Variants in ZFHX3 observed in about 807,000 individuals in gnomAD.
ZFHX3 encodes zinc finger homeobox protein 3.
A neutral mutation model predicts 279.1 loss-of-function variants in ZFHX3; 42 were observed. The ratio of observed to expected loss-of-function variants is 0.15; its 90% CI spans 0.12 to 0.19. The LOEUF is 0.19. ZFHX3 is among the 10% of genes least tolerant of loss of function. The pLI, the probability that ZFHX3 is intolerant of heterozygous loss-of-function variation, is 1.00. For synonymous variants in ZFHX3, 2,293 were observed against 1,957.8 expected, an observed-to-expected ratio of 1.17 and a Z score of -4.52; for missense variants, 4,981 against 4,754.0, an observed-to-expected ratio of 1.05 and a Z score of -1.40.
At chr16:73,269,729 T>C (rs945211549) in intron 4 of ZFHX3, among the ~76,000 whole-genome samples, 6 of 151,992 alleles carry the variant, frequency 3.9e-5, no homozygotes, top group Admixed American at 2.6e-4. Flanking sequence ...AAACTTCCCA[T>C]ATATTTTTCT....
At chr16:72,954,979 T>C (rs769386561) in intron 2 of ZFHX3, among the ~76,000 whole-genome samples, 1 of 152,112 alleles carries the variant, frequency 6.6e-6, no homozygotes, top group Non-Finnish European at 1.5e-5. Context: ...AAATGGACCA[T>C]GGGGAAAAAA....
At chr16:73,623,185 C>T (rs968900126) in intron 2 of ZFHX3, among the ~76,000 whole-genome samples, 1 of 151,974 alleles carries the variant, frequency 6.6e-6, no homozygotes, top group African/African-American at 2.4e-5. Context: ...TACAGGCGCC[C>T]GCCACCGCAC....
chr16:72,966,660 A>ACACCATT (rs1359670406), intron 1 of ZFHX3, among the ~76,000 whole-genome samples: 1 of 152,278 alleles, frequency 6.6e-6, no homozygotes, highest in South Asian at 2.1e-4. Flanking sequence ...CTGAACACAC[A>ACACCATT]CACCATTCAC....
At chr16:72,965,987 C>A (rs1961818369) in intron 1 of ZFHX3, among the ~76,000 whole-genome samples, 1 of 152,176 alleles carries the variant, frequency 6.6e-6, no homozygotes, top group South Asian at 2.1e-4. Context: ...TAAGGTAGCA[C>A]AAAATTTATC....
At chr16:73,311,361 G>A (rs562423883) in intron 4 of ZFHX3, among the ~76,000 whole-genome samples, 18 of 152,170 alleles carry the variant, frequency 1.2e-4, no homozygotes, top group South Asian at 6.2e-4. Flanking sequence ...TTGGGAGGCC[G>A]AGGCAGGCAG....
At chr16:73,028,836 G>A (rs578105226) in intron 1 of ZFHX3, among the ~76,000 whole-genome samples, 17 of 152,218 alleles carry the variant, frequency 1.1e-4, no homozygotes, top group Non-Finnish European at 2.2e-4. Flanking sequence ...CTACAATAAA[G>A]TTCCTCTGTT....
rs1784023876 is a variant in ZFHX3 at position 73,332,795 on chromosome 16, G to A, written c.-1290-14459C>T. Reference sequence around the variant, plus strand: ...AGAGCCCTCAAGGTAGTCAATGAACGTACTCCATGCAACAAGAGTGGTGGC... The same window carrying A: ...AGAGCCCTCAAGGTAGTCAATGAACATACTCCATGCAACAAGAGTGGTGGC... On this transcript the variant is annotated intron_variant, in intron 3 of 17. Coordinates refer to the ZFHX3 transcript ENST00000641206. Among the ~76,000 whole-genome samples the A allele has an allele frequency of 2.6e-5, 4 of 152,274 alleles. No homozygotes were observed. In the South Asian group the frequency reaches 6.2e-4, roughly 24 times the overall value.
At chr16:73,718,271 C>G (rs1339558401) in intron 1 of ZFHX3, among the ~76,000 whole-genome samples, 2 of 152,036 alleles carry the variant, frequency 1.3e-5, no homozygotes, top group Admixed American at 6.5e-5. Flanking sequence ...ATTAGCCGGG[C>G]GTGGTGGCAG....
At position 73,479,693 on chromosome 16, in the gene ZFHX3, G is replaced by A. The variant is rs547056733; in HGVS notation, c.-1546-23435C>T. On this transcript the variant is annotated intron_variant, in intron 2 of 17. Transcript: ENST00000641206. ...ATGCCTCCTATATGGTGACATAGCA[G>A]GCATATGTAATGGGAAATGATTGAA... Among the ~76,000 whole-genome samples the A allele has an allele frequency of 5.9e-5, 9 of 152,290 alleles. No homozygotes were observed. The South Asian group carries it at 1.5e-3, about 25-fold the overall frequency.
intron 4 of ZFHX3, among the ~76,000 whole-genome samples, chr16:72,878,123 C>T (rs2038363478): frequency 6.6e-6 from 1 of 152,134 alleles, no homozygotes; most frequent in African/African-American, 2.4e-5. Flanking sequence ...ATGGAGGCTA[C>T]AGTGAGCCAT....
At chr16:73,096,684 G>A (rs897575545) in intron 7 of ZFHX3, among the ~76,000 whole-genome samples, 9 of 151,862 alleles carry the variant, frequency 5.9e-5, no homozygotes, top group African/African-American at 1.9e-4. Flanking sequence ...GGATTACAGG[G>A]GGATTGCAGG....
rs116774918 is a variant in ZFHX3 at position 73,109,656 on chromosome 16, C to T, written c.-896-16058G>A. On this transcript the variant is annotated intron_variant, in intron 7 of 17. Coordinates refer to the ZFHX3 transcript ENST00000641206. Reference sequence around the variant, plus strand: ...TTGAGGCCAGCAGTTCAAGATCAGCCTGGTCAACAGGGTGAAAGCCCATCT... The same window carrying T: ...TTGAGGCCAGCAGTTCAAGATCAGCTTGGTCAACAGGGTGAAAGCCCATCT... Among the ~76,000 whole-genome samples the T allele has an allele frequency of 4.7e-3, 717 of 152,280 alleles. 7 individuals carry two copies. Among genetic ancestry groups the T allele is most frequent in the African/African-American group, 0.017 (697 of 41,556 alleles).
chr16:73,565,362 T>C (rs2020435942), intron 2 of ZFHX3, among the ~76,000 whole-genome samples: 1 of 152,216 alleles, frequency 6.6e-6, no homozygotes, highest in Admixed American at 6.5e-5. Context: ...TTCACATTGA[T>C]GGCATCAGGA....
At chr16:73,369,973 A>T (rs1484501855) in intron 3 of ZFHX3, among the ~76,000 whole-genome samples, 1 of 152,166 alleles carries the variant, frequency 6.6e-6, no homozygotes, top group Non-Finnish European at 1.5e-5. Flanking sequence ...TGGCTCCAGG[A>T]CACACAAAAG....
intron 2 of ZFHX3, among the ~76,000 whole-genome samples, chr16:73,539,382 T>C (rs2019968737): frequency 6.6e-6 from 1 of 151,162 alleles, no homozygotes; most frequent in Non-Finnish European, 1.5e-5. Context: ...ACTTCCTTGT[T>C]GCTATGGCTG....
intron 3 of ZFHX3, among the ~76,000 whole-genome samples, chr16:73,415,570 C>T (rs2017554841): frequency 6.6e-6 from 1 of 152,154 alleles, no homozygotes; most frequent in African/African-American, 2.4e-5. Context: ...CTCCTCAAAC[C>T]TTAGCATTCC....
chr16:73,618,577 T>G (rs1367545639), intron 2 of ZFHX3, among the ~76,000 whole-genome samples: 1 of 152,180 alleles, frequency 6.6e-6, no homozygotes, highest in Non-Finnish European at 1.5e-5. Flanking sequence ...ATAAAAGAGC[T>G]GAGAAGCGCT....
chr16:73,689,388 A>C (rs891892579), intron 1 of ZFHX3, among the ~76,000 whole-genome samples: 48 of 151,842 alleles, frequency 3.2e-4, no homozygotes, highest in African/African-American at 9.9e-4. Flanking sequence ...TTGATTTTGC[A>C]TCATGCCTGA....
At chr16:73,649,161 C>T (rs1290183296) in intron 2 of ZFHX3, among the ~76,000 whole-genome samples, 3 of 152,090 alleles carry the variant, frequency 2.0e-5, no homozygotes, top group Admixed American at 2.0e-4. Context: ...AGTGTTTTTT[C>T]TTTACAATGA....
Sources: gnomAD v4.1 joint callset for allele counts (sites outside exome capture counted in the v4.1 genomes callset) on GRCh38, gnomAD v4.1.1 for gene constraint, MANE v1.5 for transcripts, NCBI Gene and HGNC (gene_info 2026-07-23, HGNC 2026-07-21) for gene names.